Variants in MAST2 observed in about 807,000 individuals in gnomAD.
The protein encoded by MAST2 is microtubule associated serine/threonine kinase 2.
Under a neutral mutation model 147.4 loss-of-function variants are expected in MAST2, and 70 were observed. The ratio of observed to expected loss-of-function variants is 0.47; its 90% CI spans 0.39 to 0.58. The LOEUF (loss-of-function observed/expected upper bound fraction) is 0.58, where lower values mean the gene tolerates loss of function less well. MAST2 is among the 20% of genes least tolerant of loss of function. MAST2 has a pLI of 0.00. For missense variants in MAST2, 2,080 were observed against 2,302.3 expected, an observed-to-expected ratio of 0.90 and a Z score of 1.98; for synonymous variants, 869 against 896.8, an observed-to-expected ratio of 0.97 and a Z score of 0.55.
intron 6 of MAST2, chr1:46,001,021 A>G: frequency 7.9e-7 from 1 of 1,273,470 alleles, no homozygotes; most frequent in Non-Finnish European, 1.0e-6. Context: ...GGAAACTGCT[A>G]TGCATGGCCA....
At chr1:45,881,613 A>T (rs1646848749) in intron 3 of MAST2, among the ~76,000 whole-genome samples, 1 of 152,108 alleles carries the variant, frequency 6.6e-6, no homozygotes, top group Non-Finnish European at 1.5e-5. Context: ...TCTCTTTGTT[A>T]TATTATTAAC....
At chr1:45,873,358 A>G (rs1250191250) in intron 3 of MAST2, among the ~76,000 whole-genome samples, 1 of 151,672 alleles carries the variant, frequency 6.6e-6, no homozygotes, top group East Asian at 1.9e-4. Context: ...ACTCCTGGCT[A>G]ATTTTTTTTG....
chr1:45,879,941 T>A (rs577781402), intron 3 of MAST2, among the ~76,000 whole-genome samples: 17 of 152,294 alleles, frequency 1.1e-4, no homozygotes, highest in African/African-American at 3.8e-4. Flanking sequence ...CGAACTTTCT[T>A]ATATTATTAA....
rs558093366 is a variant in MAST2 at position 46,003,304 on chromosome 1, A to C, written c.747+421A>C. On this transcript the variant is annotated intron_variant, in intron 7 of 28. Coordinates refer to ENST00000361297, the MANE Select transcript of MAST2 (RefSeq NM_015112.3). ...CCCTCTTTTTCACCTTTTTCTTTCA[A>C]AAAAGAAGGGAAGAGTGATTGTTAT... Among the ~76,000 whole-genome samples, 6 of 152,270 alleles carry C rather than the reference A, an allele frequency of 3.9e-5. No homozygotes were observed. The South Asian group carries it at 1.0e-3, about 26-fold the overall frequency.
chr1:45,951,921 A>C (rs1009782295), intron 4 of MAST2, among the ~76,000 whole-genome samples: 2 of 152,236 alleles, frequency 1.3e-5, no homozygotes, highest in Non-Finnish European at 2.9e-5. Flanking sequence ...AGAAACAAAC[A>C]AGGAACATCT....
At chr1:45,865,002 G>A (rs898934074) in intron 3 of MAST2, 2 of 425,924 alleles carry the variant, frequency 4.7e-6, no homozygotes, top group South Asian at 3.4e-5. Flanking sequence ...CAGTGGGTTA[G>A]TGGTGTGCTG....
rs558929233 is a variant in MAST2 at position 45,858,795 on chromosome 1, G to A, written c.469-23569G>A. On this transcript the variant is annotated intron_variant, in intron 3 of 28. Coordinates refer to ENST00000361297, the MANE Select transcript of MAST2 (RefSeq NM_015112.3). ...CATCTTGAATTAATTTTTGTATAAG[G>A]TGTAAGGAAGGGATCCAGTTTCAGC... 2.8e-4 allele frequency among the ~76,000 whole-genome samples: 42 copies of A among 151,768 alleles called. No individual in the cohort carries two copies. The South Asian group carries it at 3.6e-3, about 13-fold the overall frequency.
chr1:45,957,598 AC>A (rs1416957303), intron 4 of MAST2, among the ~76,000 whole-genome samples: 9 of 152,168 alleles, frequency 5.9e-5, no homozygotes, highest in Non-Finnish European at 1.3e-4. Flanking sequence ...AGTAGCTAGG[AC>A]TGTAGGCATG....
intron 4 of MAST2, among the ~76,000 whole-genome samples, chr1:45,882,694 G>A (rs1330110314): frequency 6.6e-6 from 1 of 152,164 alleles, no homozygotes; most frequent in Admixed American, 6.5e-5. Context: ...GGGATTTACT[G>A]AGTTTTCGTA....
intron 6 of MAST2, among the ~76,000 whole-genome samples, chr1:46,000,712 C>G (rs1196781461): frequency 6.6e-6 from 1 of 152,176 alleles, no homozygotes; most frequent in Admixed American, 6.5e-5. Flanking sequence ...AACAGAGTAT[C>G]AGGAATCGTT....
chr1:46,009,803 C>A (rs895518867), intron 9 of MAST2, among the ~76,000 whole-genome samples: 1 of 152,178 alleles, frequency 6.6e-6, no homozygotes, highest in South Asian at 2.1e-4. Flanking sequence ...CATGTAGACA[C>A]ACCACATATA....
At chr1:45,912,463 A>G (rs1651830157) in intron 4 of MAST2, among the ~76,000 whole-genome samples, 1 of 152,204 alleles carries the variant, frequency 6.6e-6, no homozygotes. Context: ...GTGTGCAGGT[A>G]GTTTCCCTTT....
intron 3 of MAST2, among the ~76,000 whole-genome samples, chr1:45,852,935 A>G (rs745648743): frequency 6.6e-6 from 1 of 151,818 alleles, no homozygotes; most frequent in African/African-American, 2.4e-5. Context: ...TTTAAATTAA[A>G]AACAATTATT....
chr1:45,825,491 G>A (rs1644763806), intron 2 of MAST2, among the ~76,000 whole-genome samples: 1 of 150,780 alleles, frequency 6.6e-6, no homozygotes, highest in African/African-American at 2.4e-5. Context: ...GGAGTTTAGT[G>A]GCATGATGTC....
At chr1:45,950,022 T>C (rs1014778067) in intron 4 of MAST2, among the ~76,000 whole-genome samples, 2 of 151,894 alleles carry the variant, frequency 1.3e-5, no homozygotes, top group African/African-American at 4.8e-5. Flanking sequence ...TGAAGATAAC[T>C]CATGAACACA....
In MAST2 at chr1:46,029,936, A is replaced by T. The variant is rs771343017; in HGVS notation, c.2426A>T (p.Asp809Val). ...ATTCCTCAGTTGGAGTCAGAGGATG[A>T]TACTAGCTATTTTGACAGTAAGGCC... The part of the protein sequence containing the change: ...EFIPQLESED[D>V]TSYFDTRSER... Residue 809 changes from aspartate to valine, a missense_variant, in exon 20 of 29, where the codon GAT becomes GTT. Asp to Val is a radical substitution (Grantham distance 152, BLOSUM62 -3). Around this residue, in one of 4 missense-constraint regions of MAST2, gnomAD observed 1,278 missense variants for 1,304.2 expected, o/e 0.98. Transcript: ENST00000361297. The T allele has an allele frequency of 6.2e-7, 1 of 1,614,210 alleles. No homozygotes were observed.
At chr1:45,834,517 T>C (rs6680380) in intron 3 of MAST2, among the ~76,000 whole-genome samples, 2 of 151,864 alleles carry the variant, frequency 1.3e-5, no homozygotes, top group Admixed American at 6.6e-5. Context: ...CCAGGGCATG[T>C]TCTAAAACAG....
intron 4 of MAST2, among the ~76,000 whole-genome samples, chr1:45,944,801 C>T (rs980967369): frequency 3.3e-5 from 5 of 152,170 alleles, no homozygotes; most frequent in Non-Finnish European, 1.5e-5. Context: ...TTCCTCAGAT[C>T]TTCTGCCTTC....
At chr1:45,928,648 C>T (rs1259007452) in intron 4 of MAST2, among the ~76,000 whole-genome samples, 1 of 150,126 alleles carries the variant, frequency 6.7e-6, no homozygotes, top group East Asian at 2.0e-4. Context: ...GTGGCACAAT[C>T]ACAGCTCACT....
Sources: gnomAD v4.1 joint callset for allele counts (sites outside exome capture counted in the v4.1 genomes callset) on GRCh38, gnomAD v4.1.1 for gene constraint, gnomAD v4.1.1 regional missense constraint, MANE v1.5 for transcripts, NCBI Gene and HGNC (gene_info 2026-07-23, HGNC 2026-07-21) for gene names.